DNAAF11: variants seen among roughly 807,000 people sequenced by gnomAD.
The protein encoded by DNAAF11 is leucine rich repeat containing 6.
A neutral mutation model predicts 60.8 loss-of-function variants in DNAAF11; 45 were observed. The ratio of observed to expected loss-of-function variants is 0.74; its 90% CI spans 0.58 to 0.95. DNAAF11 has a LOEUF of 0.95. DNAAF11 is among the 40% of genes least tolerant of loss of function. The pLI is 0.00. For missense variants in DNAAF11, 546 were observed against 546.2 expected, an observed-to-expected ratio of 1.00 and a Z score of 0.00; for synonymous variants, 191 against 183.5, an observed-to-expected ratio of 1.04 and a Z score of -0.33.
At chr8:132,644,670 A>G (rs774513919) in intron 3 of DNAAF11, among the ~76,000 whole-genome samples, 3 of 152,178 alleles carry the variant, frequency 2.0e-5, no homozygotes, top group Non-Finnish European at 4.4e-5. Context: ...AGCAAACAGC[A>G]CACCAGGAGA....
intron 5 of DNAAF11, among the ~76,000 whole-genome samples, chr8:132,630,307 C>T (rs983894235): frequency 6.6e-6 from 1 of 152,136 alleles, no homozygotes; most frequent in Non-Finnish European, 1.5e-5. Context: ...GAGATGAACC[C>T]ATGAATACAT....
At chr8:132,613,967 GTTCA>G (rs34374773) in intron 8 of DNAAF11, among the ~76,000 whole-genome samples, 1 of 151,758 alleles carries the variant, frequency 6.6e-6, no homozygotes, top group Non-Finnish European at 1.5e-5. Context: ...ATCAGTATTT[GTTCA>G]TTCATTCATT....
At chr8:132,696,190 A>G in the DNAAF11 span, among the ~76,000 whole-genome samples, 1 of 152,212 alleles carries the variant, frequency 6.6e-6, no homozygotes, top group African/African-American at 2.4e-5. Flanking sequence ...ACATGAAAAG[A>G]TAATCAACAT....
At chr8:132,654,368 A>G (rs1396949953) in intron 3 of DNAAF11, among the ~76,000 whole-genome samples, 1 of 152,044 alleles carries the variant, frequency 6.6e-6, no homozygotes, top group Non-Finnish European at 1.5e-5. Flanking sequence ...AGATAAAACA[A>G]TTAGAATATC....
chr8:132,696,387 T>C, the DNAAF11 span, among the ~76,000 whole-genome samples: 1 of 151,750 alleles, frequency 6.6e-6, no homozygotes, highest in Non-Finnish European at 1.5e-5. Context: ...CAGTTGGCAT[T>C]TTTTTTTAAG....
the DNAAF11 span, among the ~76,000 whole-genome samples, chr8:132,691,270 A>G: frequency 6.6e-6 from 1 of 152,074 alleles, no homozygotes; most frequent in Non-Finnish European, 1.5e-5. Context: ...AAATTAGTTC[A>G]TCTTTGACCA....
the DNAAF11 span, among the ~76,000 whole-genome samples, chr8:132,690,907 C>T: frequency 1.3e-5 from 2 of 152,154 alleles, no homozygotes. Flanking sequence ...CGGGTATTGG[C>T]CACATGATGT....
At chr8:132,685,698 G>A in the DNAAF11 span, among the ~76,000 whole-genome samples, 8 of 152,166 alleles carry the variant, frequency 5.3e-5, no homozygotes, top group African/African-American at 1.7e-4. Flanking sequence ...AGAGAGAATC[G>A]TATTTTCAAG....
intron 10 of DNAAF11, among the ~76,000 whole-genome samples, chr8:132,603,143 G>T (rs539070211): frequency 6.6e-6 from 1 of 152,192 alleles, no homozygotes; most frequent in Non-Finnish European, 1.5e-5. Flanking sequence ...ATCTTGGTAG[G>T]TACTGGTACT....
At chr8:132,629,553 T>A (rs1820607463) in intron 5 of DNAAF11, among the ~76,000 whole-genome samples, 1 of 151,990 alleles carries the variant, frequency 6.6e-6, no homozygotes, top group Admixed American at 6.6e-5. Flanking sequence ...TTCACCATGT[T>A]AGCCAGGATG....
rs566033888 is a variant in DNAAF11, at chr8:132,670,423, C to T, written c.10+5061G>A. On this transcript the variant is annotated intron_variant, in intron 1 of 11. Transcript: ENST00000620350. ...AAGACACAAATTACAAAAGCTCACT[C>T]AAGAATATATAGATGAGCTGAACAG... Among the ~76,000 whole-genome samples, 7 of 152,210 alleles carry T rather than the reference C, an allele frequency of 4.6e-5. No individual in the cohort carries two copies. The East Asian group carries it at 1.4e-3, about 29-fold the overall frequency.
the DNAAF11 span, among the ~76,000 whole-genome samples, chr8:132,691,342 G>A: frequency 6.6e-6 from 1 of 152,006 alleles, no homozygotes; most frequent in African/African-American, 2.4e-5. Flanking sequence ...TATGAGTTTG[G>A]TTATTTGTTT....
At chr8:132,595,515 T>C (rs1219770348) in intron 10 of DNAAF11, among the ~76,000 whole-genome samples, 1 of 151,960 alleles carries the variant, frequency 6.6e-6, no homozygotes, top group Non-Finnish European at 1.5e-5. Context: ...CATTGGTAGG[T>C]TTCAACACGG....
rs997284440 is a variant in DNAAF11 at position 132,585,154 on chromosome 8, C to T, written c.1141-1375G>A. 2.6e-5 allele frequency among the ~76,000 whole-genome samples: 4 copies of T among 152,012 alleles called. No individual in the cohort carries two copies. In the East Asian group the frequency reaches 7.7e-4, roughly 29 times the overall value. On this transcript the variant is annotated intron_variant, in intron 10 of 11. Transcript: ENST00000620350. ...GAATGAACCAATGAAGAAATGATTC[C>T]CCATCTGAGACCCCAGCATCAAGCT... is the stretch of plus-strand genomic sequence containing the variant.
At chr8:132,693,985 C>T in the DNAAF11 span, among the ~76,000 whole-genome samples, 1 of 152,132 alleles carries the variant, frequency 6.6e-6, no homozygotes, top group Non-Finnish European at 1.5e-5. Context: ...GAATGTTATA[C>T]TCTGATTTTT....
intron 8 of DNAAF11, among the ~76,000 whole-genome samples, chr8:132,612,464 T>G (rs1222448847): frequency 6.6e-6 from 1 of 152,192 alleles, no homozygotes; most frequent in Non-Finnish European, 1.5e-5. Flanking sequence ...TGACAGTTCT[T>G]TGCAGAGCAA....
intron 1 of DNAAF11, among the ~76,000 whole-genome samples, chr8:132,664,248 G>C (rs544706825): frequency 2.8e-4 from 43 of 152,228 alleles, no homozygotes; most frequent in African/African-American, 1.0e-3. Flanking sequence ...TGTGTTCAGG[G>C]GACTTCTGAT....
At chr8:132,644,479 G>A (rs557470327) in intron 3 of DNAAF11, among the ~76,000 whole-genome samples, 3 of 152,218 alleles carry the variant, frequency 2.0e-5, no homozygotes, top group South Asian at 2.1e-4. Context: ...CATCTCACTG[G>A]GGCTTGTTGG....
intron 1 of DNAAF11, chr8:132,675,147 T>G (rs561474082): frequency 3.0e-6 from 1 of 332,616 alleles, no homozygotes; most frequent in Non-Finnish European, 5.4e-6. Flanking sequence ...AAGGAGCCAC[T>G]TGGCCGGAAC....
Sources: gnomAD v4.1 joint callset for allele counts (sites outside exome capture counted in the v4.1 genomes callset) on GRCh38, gnomAD v4.1.1 for gene constraint, MANE v1.5 for transcripts, NCBI Gene and HGNC (gene_info 2026-07-23, HGNC 2026-07-21) for gene names.